HLCS: variants seen among roughly 807,000 people sequenced by gnomAD.
HLCS encodes holocarboxylase synthetase, also known as biotin--protein ligase.
In HLCS, 53 loss-of-function variants were observed where a neutral mutation model predicts 75.0. That is an observed-to-expected ratio of 0.71 (90% confidence interval 0.57 to 0.89). The LOEUF (loss-of-function observed/expected upper bound fraction) is 0.89. HLCS is among the 40% of genes least tolerant of loss of function. The pLI, the probability that HLCS is intolerant of heterozygous loss-of-function variation, is 0.00. For synonymous variants in HLCS, 431 were observed against 428.6 expected, an observed-to-expected ratio of 1.01 and a Z score of -0.07; for missense variants, 966 against 1,074.0, an observed-to-expected ratio of 0.90 and a Z score of 1.41.
chr21:36,759,185 C>A (rs745598541), intron 9 of HLCS: 14 of 470,982 alleles, frequency 3.0e-5, no homozygotes, highest in Admixed American at 2.1e-4. Context: ...AGGCTGATGA[C>A]TGGACGGCCA....
chr21:36,916,240 T>C (rs2845819), intron 5 of HLCS, among the ~76,000 whole-genome samples: 151,395 of 152,312 alleles, frequency 0.99, 75,244 homozygotes, highest in Middle Eastern at 1. Context: ...ACCCGTGACA[T>C]GATCATCAGT....
In HLCS at chr21:36,751,716, C is replaced by T; in HGVS notation, c.*2530G>A. ...AGCACTGCTGGGGTGGGGGTGGGGACAGGAAGCCCAGTTATTGCTGTGTTC... is the reference window on the plus strand; with the variant it reads ...AGCACTGCTGGGGTGGGGGTGGGGATAGGAAGCCCAGTTATTGCTGTGTTC... On this transcript the variant is annotated 3_prime_UTR_variant, in exon 11 of 11. Transcript: ENST00000674895. 6.6e-6 allele frequency: 1 copy of T among 152,234 alleles called. No individual in the cohort carries two copies. The highest frequency in any genetic ancestry group is 2.1e-4 in the South Asian group (1 of 4,832). The allele number at this position is 152,234 out of a possible 1,614,324, so 9.4% of individuals were successfully genotyped here.
At chr21:36,903,452 A>C (rs912568550) in intron 5 of HLCS, among the ~76,000 whole-genome samples, 1 of 152,208 alleles carries the variant, frequency 6.6e-6, no homozygotes, top group Non-Finnish European at 1.5e-5. Context: ...CACACAGGCT[A>C]GAGATACATA....
chr21:36,806,651 T>C (rs113893933), intron 6 of HLCS, among the ~76,000 whole-genome samples: 4,752 of 152,258 alleles, frequency 0.031, 131 homozygotes, highest in African/African-American at 0.069. Context: ...ACTAGAGCAA[T>C]TCCCAGAAGA....
chr21:36,788,556 TA>T, intron 6 of HLCS, among the ~76,000 whole-genome samples: 1 of 152,328 alleles, frequency 6.6e-6, no homozygotes, highest in East Asian at 1.9e-4. Context: ...TGATAAGCAT[TA>T]AAATGCAAAG....
chr21:36,769,765 G>C (rs540746086), intron 6 of HLCS, among the ~76,000 whole-genome samples: 3 of 152,324 alleles, frequency 2.0e-5, no homozygotes, highest in African/African-American at 7.2e-5. Flanking sequence ...TAGCCACGGA[G>C]GCTCTGCCAA....
intron 1 of HLCS, among the ~76,000 whole-genome samples, chr21:36,983,525 TA>T (rs2069165924): frequency 6.6e-6 from 1 of 151,826 alleles, no homozygotes; most frequent in Non-Finnish European, 1.5e-5. Context: ...AAGGCTTTAA[TA>T]GCAACAATCC....
At chr21:36,765,265 T>C in intron 7 of HLCS, 93 bp from the exon 8 acceptor site, 1 of 1,158,810 alleles carries the variant, frequency 8.6e-7, no homozygotes, top group Non-Finnish European at 1.3e-6. Context: ...CAAATAAATC[T>C]GAACTTATTA....
intron 6 of HLCS, among the ~76,000 whole-genome samples, chr21:36,834,958 T>TG (rs1260298421): frequency 1.3e-5 from 2 of 152,134 alleles, no homozygotes; most frequent in African/African-American, 4.8e-5. Context: ...GCAGGAAGTG[T>TG]GGGGGGTCAG....
intron 2 of HLCS, among the ~76,000 whole-genome samples, chr21:36,950,395 G>A (rs1018182905): frequency 5.9e-5 from 9 of 152,072 alleles, no homozygotes; most frequent in African/African-American, 2.2e-4. Context: ...TGGAACATAC[G>A]TGCATTGAAC....
rs778638155 is a variant in HLCS, at chr21:36,936,945, T to G, written c.941A>C (p.Tyr314Ser). Residue 314 changes from tyrosine to serine, a missense_variant, in exon 4 of 11, where the codon TAT becomes TCT. Physicochemically the swap from Tyr to Ser is moderately radical, Grantham distance 144. Transcript: ENST00000674895. The part of the protein sequence containing the change: ...LTGKAPNILL[Y>S]VGSDSQEALG... ...GGCTTCCTGGGAGTCGGAGCCCACATAGAGGAGGATGTTGGGTGCCTTTCC... is the reference window on the plus strand; with the variant it reads ...GGCTTCCTGGGAGTCGGAGCCCACAGAGAGGAGGATGTTGGGTGCCTTTCC... The G allele has an allele frequency of 1.9e-6, 3 of 1,614,116 alleles. No homozygotes were observed. Among genetic ancestry groups the G allele is most frequent in the Non-Finnish European group, 1.7e-6 (2 of 1,180,020 alleles).
chr21:36,860,362 T>A (rs1408557047), intron 6 of HLCS, among the ~76,000 whole-genome samples: 1 of 149,896 alleles, frequency 6.7e-6, no homozygotes, highest in Non-Finnish European at 1.5e-5. Flanking sequence ...GCCACACCCC[T>A]CCAGGAAGCC....
intron 2 of HLCS, among the ~76,000 whole-genome samples, chr21:36,952,391 C>T (rs1043057760): frequency 6.6e-6 from 1 of 152,186 alleles, no homozygotes; most frequent in Non-Finnish European, 1.5e-5. Flanking sequence ...GTCTCTAGCT[C>T]CTGGTTGCAA....
intron 6 of HLCS, among the ~76,000 whole-genome samples, chr21:36,845,772 C>G (rs188863637): frequency 2.0e-5 from 3 of 152,098 alleles, no homozygotes; most frequent in Non-Finnish European, 4.4e-5. Flanking sequence ...AAAAAAAGTC[C>G]AAGTATCACA....
Position 36,754,300 on chromosome 21 carries a change from C to T in HLCS, c.2568G>A (p.Pro856=), listed in dbSNP as rs745670538. 27 of 1,613,892 alleles carry T rather than the reference C, an allele frequency of 1.7e-5. No individual in the cohort carries two copies. Among genetic ancestry groups the T allele is most frequent in the East Asian group, 1.3e-4 (6 of 44,894 alleles). Residue 856 remains proline, a synonymous_variant, in exon 11 of 11, where the codon CCG becomes CCA. Coordinates refer to ENST00000674895, the MANE Select transcript of HLCS (RefSeq NM_001352514.2). The stretch of plus-strand genomic sequence containing the variant: ...TCAGCATGTCGAAGGAGTTGCCGTC[C>T]GGGTGCACAGTCACAACCTCGCCGC... ...QEGGEVVTVH[P]DGNSFDMLRN...
chr21:36,907,062 G>A (rs963907138), intron 5 of HLCS, among the ~76,000 whole-genome samples: 7 of 152,126 alleles, frequency 4.6e-5, no homozygotes, highest in Non-Finnish European at 8.8e-5. Context: ...CAGTGCCCAA[G>A]ATAACTGACT....
intron 6 of HLCS, among the ~76,000 whole-genome samples, chr21:36,872,292 G>A (rs555072814): frequency 6.6e-6 from 1 of 151,722 alleles, no homozygotes; most frequent in East Asian, 1.9e-4. Flanking sequence ...GCGTGGTGGC[G>A]GGCGCCTGTA....
intron 6 of HLCS, among the ~76,000 whole-genome samples, chr21:36,795,089 C>T (rs766212): frequency 0.64 from 97,283 of 151,886 alleles, 33,239 homozygotes; most frequent in African/African-American, 0.89. Context: ...AGAGGTCAGC[C>T]AGCGAATGAG....
intron 5 of HLCS, among the ~76,000 whole-genome samples, chr21:36,909,123 G>A (rs551315066): frequency 2.6e-5 from 4 of 152,216 alleles, no homozygotes; most frequent in South Asian, 4.2e-4. Context: ...CATGAACCTC[G>A]GAAGCGGAGT....
Sources: allele counts gnomAD v4.1 joint callset (sites outside exome capture counted in the v4.1 genomes callset), GRCh38; gene constraint gnomAD v4.1.1; transcripts MANE v1.5; gene names NCBI Gene and HGNC (gene_info 2026-07-23, HGNC 2026-07-21).